CHAC2: variants seen among roughly 807,000 people sequenced by gnomAD.
CHAC2 encodes ChaC glutathione specific gamma-glutamylcyclotransferase 2, also known as glutathione-specific gamma-glutamylcyclotransferase 2.
Under a neutral mutation model 16.9 loss-of-function variants are expected in CHAC2, and 20 were observed. That is an observed-to-expected ratio of 1.18 (90% CI 0.83 to 1.72). The LOEUF (loss-of-function observed/expected upper bound fraction) is 1.72. Among genes scored for constraint, CHAC2 ranks in the 40% most tolerant of loss-of-function variants. CHAC2 has a pLI of 0.00. For missense variants in CHAC2, 269 were observed against 222.2 expected, an observed-to-expected ratio of 1.21 and a Z score of -1.34; for synonymous variants, 91 against 77.3, an observed-to-expected ratio of 1.18 and a Z score of -0.93.
intron 2 of CHAC2, among the ~76,000 whole-genome samples, chr2:53,772,227 T>G (rs1673977725): frequency 6.6e-6 from 1 of 152,004 alleles, no homozygotes; most frequent in African/African-American, 2.4e-5. Flanking sequence ...CAGGCTGGAG[T>G]GCAGTGGCGC....
chr2:53,774,020 C>A, intron 2 of CHAC2, 122 bp from the exon 3 acceptor site: 1 of 1,118,820 alleles, frequency 8.9e-7, no homozygotes, highest in Non-Finnish European at 1.3e-6. Context: ...GGGCAACAGA[C>A]AAGACTTCAT....
chr2:53,771,785 G>A, intron 1 of CHAC2, 122 bp from the exon 2 acceptor site: 1 of 702,848 alleles, frequency 1.4e-6, no homozygotes, highest in Non-Finnish European at 2.6e-6. Flanking sequence ...CTATGCTTAA[G>A]AAATAGTGCT....
intron 2 of CHAC2, among the ~76,000 whole-genome samples, chr2:53,772,954 T>G (rs1674049101): frequency 6.6e-6 from 1 of 151,594 alleles, no homozygotes; most frequent in Non-Finnish European, 1.5e-5. Flanking sequence ...CCAACAATCC[T>G]CAGTTTCTTA....
intron 1 of CHAC2, among the ~76,000 whole-genome samples, chr2:53,770,497 T>TTAA: frequency 8.9e-6 from 1 of 111,826 alleles, no homozygotes; most frequent in African/African-American, 3.9e-5. Context: ...CGAAGTTTAT[T>TTAA]TAAAAAAAAA....
intron 2 of CHAC2, among the ~76,000 whole-genome samples, chr2:53,772,200 A>G (rs1039420104): frequency 6.6e-6 from 1 of 152,066 alleles, no homozygotes; most frequent in African/African-American, 2.4e-5. Context: ...TTTGAGACAG[A>G]GTCTAGCTCT....
In CHAC2 at chr2:53,774,597, T is replaced by G; in HGVS notation, c.*72T>G. Reference sequence around the variant, plus strand: ...TGGAAATACGTTTACTTAAAGATCTTATTTTTAATGTAGTGAGGATATTAT... The same window carrying G: ...TGGAAATACGTTTACTTAAAGATCTGATTTTTAATGTAGTGAGGATATTAT... On this transcript the variant is annotated 3_prime_UTR_variant, in exon 3 of 3. Transcript: ENST00000295304. 8.8e-7 allele frequency: 1 copy of G among 1,131,854 alleles called. No homozygotes were observed. Among genetic ancestry groups the G allele is most frequent in the South Asian group, 1.8e-5 (1 of 54,828 alleles). 70.1% of individuals were successfully genotyped at this position (1,131,854 alleles called of 1,614,324 possible).
intron 2 of CHAC2, 64 bp from the exon 3 acceptor site, chr2:53,774,077 CA>C: frequency 6.9e-7 from 1 of 1,455,300 alleles, no homozygotes. Context: ...CCTTAGATCA[CA>C]ACCTTTCTTC....
chr2:53,769,728 G>C (rs1673760162), intron 1 of CHAC2, among the ~76,000 whole-genome samples: 1 of 152,196 alleles, frequency 6.6e-6, no homozygotes, highest in Admixed American at 6.5e-5. Flanking sequence ...CGCCAGTAGA[G>C]TCCCAGCTAC....
In CHAC2 at chr2:53,774,640, C is replaced by A. The variant is rs1487982980; in HGVS notation, c.*115C>A. 1.2e-5 allele frequency: 9 copies of A among 748,462 alleles called. No individual in the cohort carries two copies. Among genetic ancestry groups the A allele is most frequent in the African/African-American group, 3.6e-5 (2 of 55,102 alleles). 46.4% of individuals were successfully genotyped at this position (748,462 alleles called of 1,614,324 possible). The stretch of plus-strand genomic sequence containing the variant: ...GATATTATTTAAACTTTTATTTTAA[C>A]TGGAAATGTCCTGAAACACATATTT... On this transcript the variant is annotated 3_prime_UTR_variant, in exon 3 of 3. Transcript: ENST00000295304.
At chr2:53,769,674 C>G (rs1354888449) in intron 1 of CHAC2, among the ~76,000 whole-genome samples, 3 of 152,174 alleles carry the variant, frequency 2.0e-5, no homozygotes, top group Non-Finnish European at 4.4e-5. Context: ...TGGAGAAACC[C>G]CCTGTCTACT....
At chr2:53,772,903 G>A (rs1465030666) in intron 2 of CHAC2, among the ~76,000 whole-genome samples, 1 of 151,908 alleles carries the variant, frequency 6.6e-6, no homozygotes, top group Non-Finnish European at 1.5e-5. Flanking sequence ...TAGAACCTGT[G>A]ATTTTAAAAC....
intron 2 of CHAC2, 49 bp downstream of exon 2, chr2:53,771,991 T>TG: frequency 9.4e-7 from 1 of 1,068,424 alleles, no homozygotes; most frequent in African/African-American, 1.6e-5. Context: ...TATAAAATGT[T>TG]GCGATGTTTC....
intron 2 of CHAC2, among the ~76,000 whole-genome samples, chr2:53,772,156 C>A (rs1313779665): frequency 6.6e-6 from 1 of 150,886 alleles, no homozygotes; most frequent in East Asian, 2.0e-4. Flanking sequence ...AACGTACAGA[C>A]AAATAGCATG....
chr2:53,774,138 AC>A lies in CHAC2; in HGVS notation c.172-3del. 6.3e-7 allele frequency: 1 copy of A among 1,581,286 alleles called. No individual in the cohort carries two copies. Among genetic ancestry groups the A allele is most frequent in the Non-Finnish European group, 8.6e-7 (1 of 1,169,244 alleles). On this transcript the variant is annotated splice_polypyrimidine_tract_variant and splice_region_variant and intron_variant, in intron 2 of 2. Transcript: ENST00000295304. ...ACCAGTGTATTCTTTTCATTTTTCAACAGGGATGTGTATGGGGTGTTGCTTA... is the reference window on the plus strand; with the variant it reads ...ACCAGTGTATTCTTTTCATTTTTCAAAGGGATGTGTATGGGGTGTTGCTTA...
In CHAC2 at chr2:53,774,565, T is replaced by A; in HGVS notation, c.*40T>A. On this transcript the variant is annotated 3_prime_UTR_variant, in exon 3 of 3. Coordinates refer to ENST00000295304, the MANE Select transcript of CHAC2 (RefSeq NM_001008708.4). ...AATTAACTTCAGTGCACAATGACAA[T>A]ATGATTTGGAAATACGTTTACTTAA... 7.1e-7 allele frequency: 1 copy of A among 1,403,924 alleles called. No homozygotes were observed. The highest frequency in any genetic ancestry group is 9.6e-7 in the Non-Finnish European group (1 of 1,046,922). The allele number at this position is 1,403,924 out of a possible 1,614,324, so 87.0% of individuals were successfully genotyped here.
At chr2:53,770,773 C>A (rs1673846964) in intron 1 of CHAC2, among the ~76,000 whole-genome samples, 1 of 152,136 alleles carries the variant, frequency 6.6e-6, no homozygotes, top group Non-Finnish European at 1.5e-5. Context: ...ATAAAATTGC[C>A]TAGAACACAA....
chr2:53,768,561 T>G lies in CHAC2; in HGVS notation c.135+540T>G, dbSNP rs1170807417. ...TGACACACAGGATTGCAGAATGAGT[T>G]TCCAAAATTTTCGCTGGTTATTAAG... On this transcript the variant is annotated intron_variant, in intron 1 of 2. Transcript: ENST00000295304. Among the ~76,000 whole-genome samples, 5 of 152,240 alleles carry G rather than the reference T, an allele frequency of 3.3e-5. No homozygotes were observed. The East Asian group carries it at 9.6e-4, about 29-fold the overall frequency.
chr2:53,769,932 C>G (rs1331962117), intron 1 of CHAC2, among the ~76,000 whole-genome samples: 1 of 152,208 alleles, frequency 6.6e-6, no homozygotes, highest in Non-Finnish European at 1.5e-5. Context: ...TAGCCCATAT[C>G]TTAGCTCTAT....
Position 53,774,432 on chromosome 2 carries a change from C to G in CHAC2, c.462C>G (p.Asn154Lys), listed in dbSNP as rs1674186261. Reference protein sequence around the residue: ...YLFELANSIRNLVPEEADEHL... With the variant: ...YLFELANSIRKLVPEEADEHL... ...TTGAACTTGCAAATTCTATTAGGAA[C>G]CTTGTGCCAGAAGAAGCAGATGAGC... The change falls in exon 3 of 3, where the codon AAC (asparagine) becomes AAG (lysine). Residue 154 changes from asparagine to lysine, a missense_variant. Physicochemically the swap from Asn to Lys is moderately conservative, Grantham distance 94 (BLOSUM62 0). Transcript: ENST00000295304. 1.2e-6 allele frequency: 2 copies of G among 1,610,750 alleles called. No homozygotes were observed. The highest frequency in any genetic ancestry group is 8.5e-7 in the Non-Finnish European group (1 of 1,179,298).
Sources: gnomAD v4.1 joint callset for allele counts (sites outside exome capture counted in the v4.1 genomes callset) on GRCh38, gnomAD v4.1.1 for gene constraint, MANE v1.5 for transcripts, NCBI Gene and HGNC (gene_info 2026-07-23, HGNC 2026-07-21) for gene names.